CNTNAP2: variants seen among roughly 807,000 people sequenced by gnomAD.
CNTNAP2 encodes contactin-associated protein-like 2.
CNTNAP2 carries 98 observed loss-of-function variants against 155.2 expected under a neutral mutation model. The ratio of observed to expected loss-of-function variants is 0.63; its 90% confidence interval spans 0.54 to 0.75. The LOEUF (loss-of-function observed/expected upper bound fraction) is 0.75, where lower values mean the gene tolerates loss of function less well. Ranked by LOEUF, CNTNAP2 falls within the 30% of genes least tolerant of loss-of-function variation. The pLI is 0.00. For synonymous variants in CNTNAP2, 651 were observed against 631.2 expected (o/e 1.03, Z -0.47); for missense variants, 1,727 against 1,688.1 (o/e 1.02, Z -0.40).
intron 12 of CNTNAP2, among the ~76,000 whole-genome samples, chr7:147,594,955 G>C (rs1800801320): frequency 1.3e-5 from 2 of 151,924 alleles, no homozygotes; most frequent in Non-Finnish European, 2.9e-5. Flanking sequence ...AAGAGAAAGG[G>C]GTAGAATGAA....
intron 11 of CNTNAP2, among the ~76,000 whole-genome samples, chr7:147,488,817 T>C (rs1184234552): frequency 6.6e-6 from 1 of 152,172 alleles, no homozygotes; most frequent in Non-Finnish European, 1.5e-5. Context: ...CCCTAGGCCA[T>C]TTAAATTATT....
intron 21 of CNTNAP2, among the ~76,000 whole-genome samples, chr7:148,357,059 C>T (rs1436508262): frequency 3.9e-5 from 6 of 152,114 alleles, no homozygotes; most frequent in African/African-American, 1.4e-4. Flanking sequence ...GCTGTTACCC[C>T]ATGATATGGT....
At chr7:146,683,646 A>T (rs752285757) in intron 1 of CNTNAP2, among the ~76,000 whole-genome samples, 19 of 152,154 alleles carry the variant, frequency 1.2e-4, no homozygotes, top group African/African-American at 4.6e-4. Flanking sequence ...GTGCATTTGT[A>T]TGTTTGTTCA....
intron 1 of CNTNAP2, among the ~76,000 whole-genome samples, chr7:146,246,803 G>A (rs1383548235): frequency 6.6e-6 from 1 of 152,184 alleles, no homozygotes; most frequent in Non-Finnish European, 1.5e-5. Context: ...CTGGGCTGCA[G>A]GCATTCCTTG....
At chr7:148,069,538 G>A (rs191603411) in intron 15 of CNTNAP2, among the ~76,000 whole-genome samples, 2 of 152,124 alleles carry the variant, frequency 1.3e-5, no homozygotes, top group East Asian at 1.9e-4. Flanking sequence ...CGAGGCAGGC[G>A]GATCACGAGG....
chr7:147,237,306 C>T (rs1470919598), intron 8 of CNTNAP2, among the ~76,000 whole-genome samples: 3 of 152,054 alleles, frequency 2.0e-5, no homozygotes, highest in Non-Finnish European at 4.4e-5. Flanking sequence ...CTCCTGACCT[C>T]AGGTAATTCA....
intron 9 of CNTNAP2, among the ~76,000 whole-genome samples, chr7:147,302,217 C>T (rs1054611629): frequency 6.6e-6 from 1 of 152,194 alleles, no homozygotes; most frequent in East Asian, 1.9e-4. Flanking sequence ...TCACAGTTGT[C>T]AGTGGGAAAG....
rs548559237 is a variant in CNTNAP2, at chr7:147,377,242, T to A, written c.1499-18367T>A. ...TAGTATTTTAGGGATTATCCTTATT[T>A]TTTTTCAAAAATACTTATTAAATTC... On this transcript the variant is annotated intron_variant, in intron 9 of 23. Transcript: ENST00000361727. Among the ~76,000 whole-genome samples the A allele has an allele frequency of 2.0e-5, 3 of 151,894 alleles. No homozygotes were observed. The East Asian group carries it at 5.8e-4, about 29-fold the overall frequency.
intron 13 of CNTNAP2, among the ~76,000 whole-genome samples, chr7:147,652,744 A>G (rs568013569): frequency 1.2e-4 from 18 of 152,228 alleles, no homozygotes; most frequent in African/African-American, 4.3e-4. Flanking sequence ...AAGGAAAGAG[A>G]AAGAAAGGAA....
At chr7:147,112,267 C>T (rs192469959) in intron 5 of CNTNAP2, among the ~76,000 whole-genome samples, 1 of 152,228 alleles carries the variant, frequency 6.6e-6, no homozygotes. Context: ...GCTTAAGAAT[C>T]TTTTGGGCTG....
rs1799970724 is a variant in CNTNAP2 at position 148,415,714 on chromosome 7, A to AAAATATCAGCACAAGT, written c.*99_*114dup. ...GCTTCATACTCTTGAGCACATCCTT[A>AAAATATCAGCACAAGT]AAATATCAGCACAAGTTGGGGGAGG... On this transcript the variant is annotated 3_prime_UTR_variant, in exon 24 of 24. Coordinates refer to ENST00000361727, the MANE Select transcript of CNTNAP2 (RefSeq NM_014141.6). 7.3e-7 allele frequency: 1 copy of AAAATATCAGCACAAGT among 1,370,072 alleles called. No homozygotes were observed. The highest frequency in any genetic ancestry group is 1.2e-5 in the South Asian group (1 of 82,758). 84.9% of individuals were successfully genotyped at this position (1,370,072 alleles called of 1,614,324 possible). A position where few individuals can be genotyped will look rare whatever the true frequency, so the allele number is the denominator to read the frequency against.
intron 21 of CNTNAP2, among the ~76,000 whole-genome samples, chr7:148,291,801 A>G (rs1015575477): frequency 3.3e-5 from 5 of 152,184 alleles, no homozygotes; most frequent in African/African-American, 9.7e-5. Context: ...CCACAAATAT[A>G]TGAAATTTCT....
chr7:147,511,016 T>G (rs1161996656), intron 11 of CNTNAP2, among the ~76,000 whole-genome samples: 13 of 151,480 alleles, frequency 8.6e-5, no homozygotes, highest in African/African-American at 3.2e-4. Flanking sequence ...TATTTGATGA[T>G]CTCATGAGTA....
intron 3 of CNTNAP2, among the ~76,000 whole-genome samples, chr7:147,018,587 CTG>C (rs1194694260): frequency 6.6e-6 from 1 of 152,050 alleles, no homozygotes; most frequent in Non-Finnish European, 1.5e-5. Flanking sequence ...GATAGACAAA[CTG>C]AAATTGTATT....
chr7:147,237,994 A>G (rs1803850055), intron 8 of CNTNAP2, among the ~76,000 whole-genome samples: 1 of 152,236 alleles, frequency 6.6e-6, no homozygotes, highest in South Asian at 2.1e-4. Context: ...GTGAATTTCA[A>G]TTTTGAATTT....
In CNTNAP2 at chr7:148,191,556, C is replaced by T. The variant is rs1027914837; in HGVS notation, c.3010+19078C>T. The stretch of plus-strand genomic sequence containing the variant: ...CATTGATTTCTCACATTTCTAGAGG[C>T]TGGCAGTCTGAGATCAGTGTTCCAG... On this transcript the variant is annotated intron_variant, in intron 18 of 23. Coordinates refer to ENST00000361727, the MANE Select transcript of CNTNAP2 (RefSeq NM_014141.6). Among the ~76,000 whole-genome samples, 7 of 152,316 alleles carry T rather than the reference C, an allele frequency of 4.6e-5. No individual in the cohort carries two copies. The South Asian group carries it at 8.3e-4, about 18-fold the overall frequency.
intron 13 of CNTNAP2, among the ~76,000 whole-genome samples, chr7:147,801,991 C>G (rs552935988): frequency 6.6e-6 from 1 of 150,952 alleles, no homozygotes; most frequent in Non-Finnish European, 1.5e-5. Context: ...GGGTGGCTGC[C>G]GGGCGGAGAC....
intron 13 of CNTNAP2, among the ~76,000 whole-genome samples, chr7:147,837,346 G>A (rs1399070191): frequency 6.6e-6 from 1 of 152,072 alleles, no homozygotes; most frequent in East Asian, 1.9e-4. Flanking sequence ...ACTAGCACAG[G>A]AAAGACCCAC....
chr7:146,524,591 C>G (rs1345020473), intron 1 of CNTNAP2, among the ~76,000 whole-genome samples: 2 of 152,040 alleles, frequency 1.3e-5, no homozygotes, highest in Non-Finnish European at 2.9e-5. Context: ...AAAATACTAT[C>G]GTCGTCATGC....
Sources: allele counts gnomAD v4.1 joint callset (sites outside exome capture counted in the v4.1 genomes callset), GRCh38; gene constraint gnomAD v4.1.1; transcripts MANE v1.5; gene names NCBI Gene and HGNC (gene_info 2026-07-23, HGNC 2026-07-21).